SNTG2: variants seen among roughly 807,000 people sequenced by gnomAD.
SNTG2 encodes the protein syntrophin gamma 2, also known as gamma-2-syntrophin.
SNTG2 carries 74 observed loss-of-function variants against 70.9 expected under a neutral mutation model. The observed-to-expected ratio is 1.04, with a 90% CI of 0.86 to 1.27. SNTG2 has a LOEUF of 1.27. SNTG2 is among the 50% of genes most tolerant of loss of function. SNTG2 has a pLI of 0.00. For missense variants in SNTG2, 717 were observed against 690.7 expected, an observed-to-expected ratio of 1.04 and a Z score of -0.43; for synonymous variants, 278 against 273.8, an observed-to-expected ratio of 1.02 and a Z score of -0.15.
chr2:1,177,469 T>C (rs917400145), intron 8 of SNTG2, among the ~76,000 whole-genome samples: 45 of 150,166 alleles, frequency 3.0e-4, no homozygotes, highest in African/African-American at 1.1e-3. Context: ...CCTGCAGATG[T>C]ACTCTGGAAC....
At chr2:985,685 T>C (rs1271165891) in intron 1 of SNTG2, among the ~76,000 whole-genome samples, 1 of 152,174 alleles carries the variant, frequency 6.6e-6, no homozygotes, top group East Asian at 1.9e-4. Flanking sequence ...TTTTATGGTA[T>C]TCTTGCCTAC....
intron 6 of SNTG2, among the ~76,000 whole-genome samples, chr2:1,141,552 A>T (rs1177458367): frequency 1.1e-4 from 16 of 152,230 alleles, no homozygotes; most frequent in Non-Finnish European, 4.4e-5. Flanking sequence ...TCCCTTGCTA[A>T]TAATTTATTT....
At chr2:1,119,977 A>G (rs1667281233) in intron 4 of SNTG2, among the ~76,000 whole-genome samples, 1 of 152,148 alleles carries the variant, frequency 6.6e-6, no homozygotes, top group Non-Finnish European at 1.5e-5. Context: ...ATTACAAACA[A>G]CAAGAAAATG....
rs746491282 is a variant in SNTG2 at position 1,132,237 on chromosome 2, GTA to G, written c.326-5376_326-5375del. ...TATATATATGTGTATATATGTGTGT[GTA>G]TATATATACACACACACACACACAT... On this transcript the variant is annotated intron_variant, in intron 4 of 16. Transcript: ENST00000308624. Among the ~76,000 whole-genome samples the G allele has an allele frequency of 4.1e-3, 437 of 107,180 alleles. 4 individuals carry two copies. Among genetic ancestry groups the G allele is most frequent in the Non-Finnish European group, 5.8e-3 (237 of 40,654 alleles). 70.3% of individuals were successfully genotyped at this position (107,180 alleles called of 152,430 possible).
chr2:1,130,560 A>G (rs1667953902), intron 4 of SNTG2, among the ~76,000 whole-genome samples: 1 of 152,212 alleles, frequency 6.6e-6, no homozygotes. Context: ...TGGGAACTCC[A>G]TCTAGATGGC....
At chr2:969,399 G>A (rs1482523051) in intron 1 of SNTG2, among the ~76,000 whole-genome samples, 1 of 151,940 alleles carries the variant, frequency 6.6e-6, no homozygotes, top group Non-Finnish European at 1.5e-5. Flanking sequence ...CTAATTCTGT[G>A]AAGAATGTCC....
At chr2:1,281,326 T>TGTGTGTGTGTGGTGTG (rs1679519249) in intron 14 of SNTG2, among the ~76,000 whole-genome samples, 3 of 7,884 alleles carry the variant, frequency 3.8e-4, no homozygotes, top group Non-Finnish European at 6.6e-4. Context: ...GTTTGTGTGG[T>TGTGTGTGTGTGGTGTG]GTGTGTGTGT....
chr2:1,257,701 C>G (rs62106565), intron 12 of SNTG2, among the ~76,000 whole-genome samples: 1 of 152,096 alleles, frequency 6.6e-6, no homozygotes, highest in African/African-American at 2.4e-5. Flanking sequence ...AATCACAGCA[C>G]GATGACAGCG....
chr2:1,308,886 A>C (rs1331642521), intron 15 of SNTG2, among the ~76,000 whole-genome samples: 1 of 152,174 alleles, frequency 6.6e-6, no homozygotes, highest in Non-Finnish European at 1.5e-5. Context: ...TTGAAAAAAA[A>C]CACTCATCGT....
intron 8 of SNTG2, among the ~76,000 whole-genome samples, chr2:1,184,025 T>C (rs1558504422): frequency 6.6e-6 from 1 of 152,188 alleles, no homozygotes; most frequent in African/African-American, 2.4e-5. Context: ...GCGAGTTGAA[T>C]GGAGATGAAC....
intron 9 of SNTG2, among the ~76,000 whole-genome samples, chr2:1,223,293 C>G (rs1157050798): frequency 6.7e-6 from 1 of 150,154 alleles, no homozygotes; most frequent in Non-Finnish European, 1.5e-5. Flanking sequence ...CCTGTCCTGC[C>G]TGCTGCTGGA....
At chr2:1,087,621 C>T (rs751682054) in intron 2 of SNTG2, among the ~76,000 whole-genome samples, 4 of 152,028 alleles carry the variant, frequency 2.6e-5, no homozygotes, top group Non-Finnish European at 1.5e-5. Context: ...AATGATTGAG[C>T]GCATAAGTAA....
chr2:1,197,515 A>ATG (rs71299845), intron 8 of SNTG2, among the ~76,000 whole-genome samples: 11,095 of 128,272 alleles, frequency 0.086, 566 homozygotes, highest in Non-Finnish European at 0.11. Context: ...ATGTATATAT[A>ATG]TGTGTGTGTG....
chr2:1,218,650 G>A (rs968755523), intron 9 of SNTG2, among the ~76,000 whole-genome samples: 9 of 152,198 alleles, frequency 5.9e-5, no homozygotes, highest in Non-Finnish European at 1.0e-4. Context: ...TTTTGCAAGT[G>A]AGGAAGCTTC....
intron 14 of SNTG2, among the ~76,000 whole-genome samples, chr2:1,303,012 CA>C (rs1053685126): frequency 2.6e-5 from 4 of 151,842 alleles, no homozygotes; most frequent in African/African-American, 9.7e-5. Flanking sequence ...AGAACTGAAA[CA>C]AAAACAAAAA....
chr2:1,296,685 C>T (rs1305019270), intron 14 of SNTG2, among the ~76,000 whole-genome samples: 4 of 152,240 alleles, frequency 2.6e-5, no homozygotes, highest in Non-Finnish European at 4.4e-5. Context: ...CCTGGAATGA[C>T]AGTCCCTGAG....
chr2:1,152,774 G>A (rs1465612613), intron 6 of SNTG2, among the ~76,000 whole-genome samples: 1 of 152,106 alleles, frequency 6.6e-6, no homozygotes, highest in Non-Finnish European at 1.5e-5. Context: ...ACATTATTGA[G>A]GGTAATTTCA....
chr2:1,187,882 G>C (rs999532596), intron 8 of SNTG2, among the ~76,000 whole-genome samples: 18 of 152,166 alleles, frequency 1.2e-4, no homozygotes, highest in African/African-American at 4.3e-4. Flanking sequence ...CCAGAACAAA[G>C]TAAAAATAAA....
intron 1 of SNTG2, among the ~76,000 whole-genome samples, chr2:953,605 C>T (rs1290194965): frequency 6.6e-6 from 1 of 152,202 alleles, no homozygotes; most frequent in Non-Finnish European, 1.5e-5. Context: ...CTTGCTGACT[C>T]ATCTTTAATT....
Sources: allele counts gnomAD v4.1 joint callset (sites outside exome capture counted in the v4.1 genomes callset), GRCh38; gene constraint gnomAD v4.1.1; transcripts MANE v1.5; gene names NCBI Gene and HGNC (gene_info 2026-07-23, HGNC 2026-07-21).